Variants in LARGE1 observed in about 807,000 individuals in gnomAD.
LARGE1 encodes xylosyl- and glucuronyltransferase LARGE1.
LARGE1 carries 43 observed loss-of-function variants against 87.6 expected under a neutral mutation model. The ratio of observed to expected loss-of-function variants is 0.49; its 90% CI spans 0.38 to 0.63. The LOEUF (loss-of-function observed/expected upper bound fraction) is 0.63, where lower values mean the gene tolerates loss of function less well. Among genes scored for constraint, LARGE1 ranks in the 30% least tolerant of loss-of-function variants. The probability of loss-of-function intolerance (pLI) is 0.00; values close to 1 mark genes in which losing one functional copy is unlikely to be tolerated. For missense variants in LARGE1, 802 were observed against 1,000.2 expected, an observed-to-expected ratio of 0.80 and a Z score of 2.67; for synonymous variants, 434 against 394.6, an observed-to-expected ratio of 1.10 and a Z score of -1.18.
At chr22:33,716,155 C>T (rs777602535) in intron 2 of LARGE1, among the ~76,000 whole-genome samples, 16 of 152,076 alleles carry the variant, frequency 1.1e-4, no homozygotes, top group Non-Finnish European at 2.4e-4. Flanking sequence ...TAAAATGACT[C>T]CTATATCCTC....
At position 33,337,700 on chromosome 22, in the gene LARGE1, A is replaced by G. The variant is rs1938633702; in HGVS notation, c.1233T>C (p.Leu411=). The part of the protein sequence containing the change: ...YLTFLEYDGN[L]LRRELFGCPS... ...GGCAGCCAAACAGTTCCCGCCTCAG[A>G]AGATTGCCGTCATACTCCAGGAAGG... is the stretch of plus-strand genomic sequence containing the variant. Residue 411 remains leucine (L), a synonymous_variant, in exon 10 of 15, where the codon CTT becomes CTC. Transcript: ENST00000397394. 6.2e-7 allele frequency: 1 copy of G among 1,613,948 alleles called. No homozygotes were observed. The highest frequency in any genetic ancestry group is 1.3e-5 in the African/African-American group (1 of 74,874).
intron 1 of LARGE1, among the ~76,000 whole-genome samples, chr22:33,872,913 T>G (rs926967509): frequency 2.0e-5 from 3 of 151,944 alleles, no homozygotes; most frequent in African/African-American, 4.8e-5. Context: ...GGCAGGAGAA[T>G]TGCCTGAACC....
chr22:33,084,261 A>C, the LARGE1 span, among the ~76,000 whole-genome samples: 1 of 152,086 alleles, frequency 6.6e-6, no homozygotes, highest in African/African-American at 2.4e-5. Flanking sequence ...CCATCCCTTG[A>C]CTTCCATAAT....
intron 2 of LARGE1, among the ~76,000 whole-genome samples, chr22:33,674,035 C>G (rs939740313): frequency 6.6e-6 from 1 of 152,064 alleles, no homozygotes; most frequent in Non-Finnish European, 1.5e-5. Flanking sequence ...TCTTGAACTC[C>G]CGACCTCATG....
chr22:33,095,317 C>T, the LARGE1 span, among the ~76,000 whole-genome samples: 1 of 152,170 alleles, frequency 6.6e-6, no homozygotes, highest in African/African-American at 2.4e-5. Context: ...GTCGGCAATC[C>T]TTATTGTTCC....
downstream of LARGE1, among the ~76,000 whole-genome samples, chr22:33,269,237 A>C (rs1032577068): frequency 7.9e-5 from 12 of 152,234 alleles, no homozygotes; most frequent in African/African-American, 2.9e-4. Flanking sequence ...AGTTATTTGT[A>C]TTATCCTTGC....
chr22:33,275,620 G>A (rs1929100449), intron 14 of LARGE1, among the ~76,000 whole-genome samples: 1 of 152,206 alleles, frequency 6.6e-6, no homozygotes, highest in South Asian at 2.1e-4. Context: ...AGCCCCATGG[G>A]TGTGGGTGTT....
intron 11 of LARGE1, among the ~76,000 whole-genome samples, chr22:33,220,972 C>T (rs1925428544): frequency 6.6e-6 from 1 of 152,126 alleles, no homozygotes; most frequent in Non-Finnish European, 1.5e-5. Context: ...CTCACTCCCA[C>T]AGGAATGAGG....
At chr22:33,183,638 A>ACG (rs1555880694) in intron 11 of LARGE1, among the ~76,000 whole-genome samples, 60 of 109,036 alleles carry the variant, frequency 5.5e-4, no homozygotes, top group Non-Finnish European at 8.0e-4. Flanking sequence ...ACACACACAC[A>ACG]CACACACACA....
At chr22:33,686,939 T>C (rs1204577293) in intron 2 of LARGE1, among the ~76,000 whole-genome samples, 1 of 152,230 alleles carries the variant, frequency 6.6e-6, no homozygotes, top group African/African-American at 2.4e-5. Context: ...CCACTGCACT[T>C]GGAACAAAGC....
At chr22:33,370,779 T>C (rs1160337451) in intron 9 of LARGE1, among the ~76,000 whole-genome samples, 1 of 150,298 alleles carries the variant, frequency 6.7e-6, no homozygotes. Context: ...TATTGCATTA[T>C]AAATATTAAT....
intron 2 of LARGE1, among the ~76,000 whole-genome samples, chr22:33,712,019 G>C (rs2082744530): frequency 6.6e-6 from 1 of 152,146 alleles, no homozygotes; most frequent in African/African-American, 2.4e-5. Flanking sequence ...ATAAAGGTAA[G>C]AGCTAACGTG....
intron 9 of LARGE1, among the ~76,000 whole-genome samples, chr22:33,341,179 A>G (rs1459064882): frequency 6.6e-6 from 1 of 152,102 alleles, no homozygotes; most frequent in Non-Finnish European, 1.5e-5. Context: ...TAGCGCCCTT[A>G]GAAAAGACAC....
At chr22:33,318,066 C>G (rs1043541001) in intron 10 of LARGE1, among the ~76,000 whole-genome samples, 1 of 151,656 alleles carries the variant, frequency 6.6e-6, no homozygotes, top group Non-Finnish European at 1.5e-5. Flanking sequence ...GACACCCCGT[C>G]TCTACTAAAA....
chr22:33,409,633 G>A (rs1029169247), intron 7 of LARGE1, among the ~76,000 whole-genome samples: 1 of 152,038 alleles, frequency 6.6e-6, no homozygotes, highest in African/African-American at 2.4e-5. Context: ...AGGCTGAGGT[G>A]GGTGGATCAC....
At chr22:33,699,489 C>T (rs964323410) in intron 2 of LARGE1, among the ~76,000 whole-genome samples, 1 of 152,204 alleles carries the variant, frequency 6.6e-6, no homozygotes, top group Non-Finnish European at 1.5e-5. Flanking sequence ...TAAGTGTCGT[C>T]TTCACAGGAT....
In LARGE1 at chr22:33,580,950, GGTCA is replaced by G. The variant is rs368754566; in HGVS notation, c.616-15935_616-15932del. On this transcript the variant is annotated intron_variant, in intron 5 of 14. Transcript: ENST00000397394. ...TGAGTATACAAAAGCATACATAACC[GGTCA>G]GTTTGTAAGACGTCCATCTTTCAAA... 2.3e-3 allele frequency among the ~76,000 whole-genome samples: 345 copies of G among 152,176 alleles called. 3 individuals carry two copies. Among genetic ancestry groups the G allele is most frequent in the African/African-American group, 8.1e-3 (335 of 41,512 alleles).
At chr22:33,789,278 C>G (rs190090404) in intron 1 of LARGE1, among the ~76,000 whole-genome samples, 1 of 152,192 alleles carries the variant, frequency 6.6e-6, no homozygotes, top group Non-Finnish European at 1.5e-5. Context: ...GCTGTTGGGC[C>G]TGGGGGTAAA....
chr22:33,667,537 G>A (rs1006271114), intron 2 of LARGE1, among the ~76,000 whole-genome samples: 1 of 152,208 alleles, frequency 6.6e-6, no homozygotes, highest in African/African-American at 2.4e-5. Context: ...TGATTGTAAT[G>A]AGAAAGCCAC....
Sources: gnomAD v4.1 joint callset for allele counts (sites outside exome capture counted in the v4.1 genomes callset) on GRCh38, gnomAD v4.1.1 for gene constraint, MANE v1.5 for transcripts, NCBI Gene and HGNC (gene_info 2026-07-23, HGNC 2026-07-21) for gene names.